Variants in HIF1A observed in about 807,000 individuals in gnomAD.
The protein encoded by HIF1A is hypoxia-inducible factor 1-alpha.
Under a neutral mutation model 92.7 loss-of-function variants are expected in HIF1A, and 24 were observed. The ratio of observed to expected loss-of-function variants is 0.26; its 90% CI spans 0.19 to 0.36. HIF1A has a LOEUF of 0.36. Ranked by LOEUF, HIF1A falls within the 10% of genes least tolerant of loss-of-function variation. The probability of loss-of-function intolerance (pLI) is 1.00; values close to 1 mark genes in which losing one functional copy is unlikely to be tolerated. For missense variants in HIF1A, 799 were observed against 998.5 expected (o/e 0.80, Z 2.69); for synonymous variants, 319 against 338.7 (o/e 0.94, Z 0.64).
At chr14:61,725,026 CAT>C (rs1001271474) in intron 4 of HIF1A, among the ~76,000 whole-genome samples, 1 of 152,272 alleles carries the variant, frequency 6.6e-6, no homozygotes, top group South Asian at 2.1e-4. Context: ...GTTTTTCAAA[CAT>C]GTCCTATTTT....
At chr14:61,710,950 C>G (rs1483941537) in intron 1 of HIF1A, among the ~76,000 whole-genome samples, 1 of 151,406 alleles carries the variant, frequency 6.6e-6, no homozygotes, top group Non-Finnish European at 1.5e-5. Flanking sequence ...ACCCCAGCTA[C>G]TCAGGAAAAT....
At chr14:61,707,367 A>G (rs929043289) in intron 1 of HIF1A, among the ~76,000 whole-genome samples, 1 of 152,102 alleles carries the variant, frequency 6.6e-6, no homozygotes, top group African/African-American at 2.4e-5. Flanking sequence ...CAGGTTAGTT[A>G]CATATGTATA....
chr14:61,730,391 A>G (rs2044561947), intron 6 of HIF1A, among the ~76,000 whole-genome samples: 1 of 152,190 alleles, frequency 6.6e-6, no homozygotes, highest in African/African-American at 2.4e-5. Flanking sequence ...GCACTGATTG[A>G]CATTAGATTA....
intron 6 of HIF1A, among the ~76,000 whole-genome samples, chr14:61,727,891 C>T (rs1164096629): frequency 6.6e-6 from 1 of 151,666 alleles, no homozygotes; most frequent in Non-Finnish European, 1.5e-5. Context: ...ATTAGTGGGA[C>T]GTGGTGGCAG....
intron 1 of HIF1A, among the ~76,000 whole-genome samples, chr14:61,705,489 G>A (rs915842968): frequency 2.6e-5 from 4 of 151,970 alleles, no homozygotes; most frequent in Non-Finnish European, 4.4e-5. Context: ...TACCAAATCC[G>A]CCTTTTGTTT....
At chr14:61,702,588 G>C (rs2044190920) in intron 1 of HIF1A, among the ~76,000 whole-genome samples, 1 of 151,776 alleles carries the variant, frequency 6.6e-6, no homozygotes, top group African/African-American at 2.4e-5. Flanking sequence ...GTAAGGTTGG[G>C]GTTTATTTTC....
chr14:61,704,597 AAAATATTT>A (rs1251688972), intron 1 of HIF1A, among the ~76,000 whole-genome samples: 1 of 152,192 alleles, frequency 6.6e-6, no homozygotes, highest in Admixed American at 6.5e-5. Context: ...TAACATAGTT[AAAATATTT>A]AAATGGTTAT....
intron 1 of HIF1A, among the ~76,000 whole-genome samples, chr14:61,717,411 CTTGA>C (rs1459685402): frequency 1.3e-5 from 2 of 152,044 alleles, no homozygotes; most frequent in Non-Finnish European, 2.9e-5. Flanking sequence ...TTATAGATCC[CTTGA>C]TTGGTTTCTG....
chr14:61,705,863 G>GA (rs1210224093), intron 1 of HIF1A, among the ~76,000 whole-genome samples: 1 of 152,178 alleles, frequency 6.6e-6, no homozygotes, highest in Admixed American at 6.5e-5. Flanking sequence ...GTCATTTCCA[G>GA]AATCTTAATC....
chr14:61,737,429 G>A (rs1302238036), intron 9 of HIF1A, among the ~76,000 whole-genome samples: 4 of 152,252 alleles, frequency 2.6e-5, no homozygotes, highest in South Asian at 2.1e-4. Context: ...TTATATGGAA[G>A]TAGGCATTGT....
chr14:61,744,306 C>T lies in HIF1A; in HGVS notation c.2094-399C>T, dbSNP rs901119768. Among the ~76,000 whole-genome samples the T allele has an allele frequency of 7.2e-5, 11 of 152,122 alleles. No individual in the cohort carries two copies. The East Asian group carries it at 1.3e-3, about 19-fold the overall frequency. ...TTGGGAGGCCAAGGTGGGCAGATCA[C>T]TTGCGCTCAGGAGTTTGAGACCAGC... On this transcript the variant is annotated intron_variant, in intron 12 of 14. Coordinates refer to ENST00000337138, the MANE Select transcript of HIF1A (RefSeq NM_001530.4).
intron 10 of HIF1A, chr14:61,740,232 A>C: frequency 5.5e-6 from 1 of 182,734 alleles, no homozygotes; most frequent in Non-Finnish European, 1.2e-5. Flanking sequence ...ATGCCTAGCT[A>C]ATTTTTGTAT....
At chr14:61,709,023 G>A (rs1429222452) in intron 1 of HIF1A, among the ~76,000 whole-genome samples, 2 of 152,020 alleles carry the variant, frequency 1.3e-5, no homozygotes, top group Admixed American at 6.6e-5. Context: ...TCAGCCTCCC[G>A]AGTAGCTGGG....
At chr14:61,739,910 G>T (rs1481245967) in intron 10 of HIF1A, among the ~76,000 whole-genome samples, 2 of 151,886 alleles carry the variant, frequency 1.3e-5, no homozygotes, top group Admixed American at 1.3e-4. Context: ...TACCATTGTG[G>T]GATGTGAATT....
At chr14:61,711,047 C>CAA (rs60358775) in intron 1 of HIF1A, among the ~76,000 whole-genome samples, 1 of 113,490 alleles carries the variant, frequency 8.8e-6, no homozygotes, top group African/African-American at 3.1e-5. Flanking sequence ...GACTCTGTCT[C>CAA]AAAAAAAAAA....
At chr14:61,696,130 C>T (rs1189511622) in intron 1 of HIF1A, among the ~76,000 whole-genome samples, 9 of 152,254 alleles carry the variant, frequency 5.9e-5, no homozygotes, top group Non-Finnish European at 1.3e-4. Flanking sequence ...GCGCCGCCCA[C>T]CTACCCGCCT....
Position 61,747,220 on chromosome 14 carries a change from C to A in HIF1A, c.*135C>A. ...AAACTTGGTTAGTTCAATTTTGATCCCCTTTCTACTTAATTTACATTAATG... is the reference window on the plus strand; with the variant it reads ...AAACTTGGTTAGTTCAATTTTGATCACCTTTCTACTTAATTTACATTAATG... On this transcript the variant is annotated 3_prime_UTR_variant, in exon 15 of 15. Transcript: ENST00000337138. 1.7e-6 allele frequency: 1 copy of A among 590,976 alleles called. No individual in the cohort carries two copies. Among genetic ancestry groups the A allele is most frequent in the Non-Finnish European group, 2.8e-6 (1 of 351,536 alleles). The allele number at this position is 590,976 out of a possible 1,614,324, so 36.6% of individuals were successfully genotyped here.
chr14:61,705,323 G>A (rs1355973919), intron 1 of HIF1A, among the ~76,000 whole-genome samples: 2 of 152,146 alleles, frequency 1.3e-5, no homozygotes, highest in Non-Finnish European at 2.9e-5. Flanking sequence ...TTTAGATGAT[G>A]TAGAATATGC....
chr14:61,739,558 A>G (rs1388039442), intron 10 of HIF1A, among the ~76,000 whole-genome samples: 1 of 152,202 alleles, frequency 6.6e-6, no homozygotes, highest in Admixed American at 6.5e-5. Flanking sequence ...TATATATCCT[A>G]TGCTCTGGTT....
Sources: allele counts gnomAD v4.1 joint callset (sites outside exome capture counted in the v4.1 genomes callset), GRCh38; gene constraint gnomAD v4.1.1; transcripts MANE v1.5; gene names NCBI Gene and HGNC (gene_info 2026-07-23, HGNC 2026-07-21).